KCTD8: variants seen among roughly 807,000 people sequenced by gnomAD.
The protein encoded by KCTD8 is BTB/POZ domain-containing protein KCTD8.
Under a neutral mutation model 31.5 loss-of-function variants are expected in KCTD8, and 27 were observed. The observed-to-expected ratio is 0.86, with a 90% CI of 0.63 to 1.18. KCTD8 has a LOEUF of 1.18. Among genes scored for constraint, KCTD8 ranks in the 50% most tolerant of loss-of-function variants. The pLI is 0.00. For synonymous variants in KCTD8, 290 were observed against 280.0 expected, an observed-to-expected ratio of 1.04 and a Z score of -0.36; for missense variants, 658 against 647.7, an observed-to-expected ratio of 1.02 and a Z score of -0.17.
chr4:44,433,553 G>C (rs1319906283), intron 1 of KCTD8, among the ~76,000 whole-genome samples: 1 of 151,612 alleles, frequency 6.6e-6, no homozygotes, highest in Non-Finnish European at 1.5e-5. Context: ...TAGTTTATAT[G>C]ATATTCTCCA....
chr4:44,405,269 G>GTTTC (rs1038521361), intron 1 of KCTD8, among the ~76,000 whole-genome samples: 1 of 141,330 alleles, frequency 7.1e-6, no homozygotes, highest in African/African-American at 2.5e-5. Flanking sequence ...TTGTTTGTTT[G>GTTTC]TTTTTGTGAG....
chr4:44,254,363 C>T (rs578160599), intron 1 of KCTD8, among the ~76,000 whole-genome samples: 3 of 151,940 alleles, frequency 2.0e-5, no homozygotes, highest in Admixed American at 6.6e-5. Flanking sequence ...CAGGAAAACA[C>T]GTTTTTAAGG....
chr4:44,212,869 T>A (rs1175542557), intron 1 of KCTD8, among the ~76,000 whole-genome samples: 1 of 152,154 alleles, frequency 6.6e-6, no homozygotes, highest in African/African-American at 2.4e-5. Context: ...CAACATCTCA[T>A]CTTTTCATTT....
At chr4:44,176,112 G>A (rs1247610974) in intron 1 of KCTD8, among the ~76,000 whole-genome samples, 1 of 152,096 alleles carries the variant, frequency 6.6e-6, no homozygotes, top group Non-Finnish European at 1.5e-5. Flanking sequence ...ACCCAGAGCT[G>A]TTCTAAAACC....
At chr4:44,313,748 A>G (rs1718022005) in intron 1 of KCTD8, among the ~76,000 whole-genome samples, 1 of 152,234 alleles carries the variant, frequency 6.6e-6, no homozygotes, top group African/African-American at 2.4e-5. Flanking sequence ...AGTTTAATAA[A>G]TAAATGCTTA....
chr4:44,224,665 T>A (rs1714901190), intron 1 of KCTD8, among the ~76,000 whole-genome samples: 1 of 152,242 alleles, frequency 6.6e-6, no homozygotes, highest in African/African-American at 2.4e-5. Flanking sequence ...TAGGATAATG[T>A]CAGCTTCTAA....
At chr4:44,201,142 C>G (rs560625916) in intron 1 of KCTD8, among the ~76,000 whole-genome samples, 1 of 151,868 alleles carries the variant, frequency 6.6e-6, no homozygotes, top group East Asian at 1.9e-4. Context: ...CAAAATACTG[C>G]TGAAAAAAAT....
At chr4:44,345,608 T>C (rs1055728956) in intron 1 of KCTD8, among the ~76,000 whole-genome samples, 2 of 152,134 alleles carry the variant, frequency 1.3e-5, no homozygotes, top group African/African-American at 4.8e-5. Context: ...ATCAATTTCA[T>C]TGACTATAAA....
chr4:44,244,699 C>T (rs1384832137), intron 1 of KCTD8, among the ~76,000 whole-genome samples: 2 of 152,112 alleles, frequency 1.3e-5, no homozygotes, highest in African/African-American at 4.8e-5. Context: ...CCAAAGGGGT[C>T]CTGTTCCATA....
chr4:44,334,561 T>G (rs1718670213), intron 1 of KCTD8, among the ~76,000 whole-genome samples: 1 of 152,118 alleles, frequency 6.6e-6, no homozygotes, highest in Admixed American at 6.5e-5. Flanking sequence ...TGATAGGGAT[T>G]AAATTATAAA....
intron 1 of KCTD8, among the ~76,000 whole-genome samples, chr4:44,415,778 C>T (rs1432146356): frequency 6.6e-6 from 1 of 152,210 alleles, no homozygotes; most frequent in Non-Finnish European, 1.5e-5. Context: ...TTTCAAAAGA[C>T]GTGCTGGAAA....
At chr4:44,299,318 C>T (rs953466151) in intron 1 of KCTD8, among the ~76,000 whole-genome samples, 3 of 152,108 alleles carry the variant, frequency 2.0e-5, no homozygotes, top group African/African-American at 7.2e-5. Context: ...ATTTTTCTAC[C>T]CACCCACCAA....
chr4:44,267,747 C>G (rs1461002227), intron 1 of KCTD8, among the ~76,000 whole-genome samples: 5 of 152,156 alleles, frequency 3.3e-5, no homozygotes, highest in African/African-American at 1.2e-4. Context: ...AAATTACCAT[C>G]AGAGAATACT....
chr4:44,243,463 T>A (rs184988828), intron 1 of KCTD8, among the ~76,000 whole-genome samples: 1 of 152,202 alleles, frequency 6.6e-6, no homozygotes, highest in African/African-American at 2.4e-5. Flanking sequence ...TCTGAGACTA[T>A]ATGCATACAC....
In KCTD8 at chr4:44,174,950, C is replaced by T. The variant is rs765636447; in HGVS notation, c.1262G>A (p.Arg421Gln). 2.4e-5 allele frequency: 39 copies of T among 1,613,952 alleles called. No homozygotes were observed. The highest frequency in any genetic ancestry group is 1.6e-4 in the Middle Eastern group (1 of 6,082). Residue 421 changes from arginine to glutamine, a missense_variant, in exon 2 of 2, where the codon CGG becomes CAG. Transcript: ENST00000360029. Reference sequence around the variant, plus strand: ...TTTCTTTTTGGACAGATTTGTTTCCCGGGACTTGCTGATGAGGGTCTGAAA... The same window carrying T: ...TTTCTTTTTGGACAGATTTGTTTCCTGGGACTTGCTGATGAGGGTCTGAAA... The part of the protein sequence containing the change: ...ELFQTLISKS[R>Q]ETNLSKKKVC...
chr4:44,290,682 G>A (rs1577596259), intron 1 of KCTD8, among the ~76,000 whole-genome samples: 1 of 152,108 alleles, frequency 6.6e-6, no homozygotes, highest in Non-Finnish European at 1.5e-5. Flanking sequence ...CAAATACATG[G>A]AAATTTAACA....
chr4:44,298,216 A>G (rs143992869), intron 1 of KCTD8, among the ~76,000 whole-genome samples: 1 of 152,302 alleles, frequency 6.6e-6, no homozygotes, highest in East Asian at 1.9e-4. Context: ...AAGGATTTAC[A>G]GCAAACTTCC....
At position 44,428,057 on chromosome 4, in the gene KCTD8, A is replaced by T. The variant is rs1267454769; in HGVS notation, c.961+19506T>A. Among the ~76,000 whole-genome samples, 3 of 151,750 alleles carry T rather than the reference A, an allele frequency of 2.0e-5. No homozygotes were observed. In the East Asian group the frequency reaches 5.8e-4, roughly 29 times the overall value. On this transcript the variant is annotated intron_variant, in intron 1 of 1. Transcript: ENST00000360029. ...TAGGGGATTGGGTTGGGTAATAATGAAATCACAATTCAGAGACAGACCAGA... is the reference window on the plus strand; with the variant it reads ...TAGGGGATTGGGTTGGGTAATAATGTAATCACAATTCAGAGACAGACCAGA...
At chr4:44,389,967 CT>C (rs1720326941) in intron 1 of KCTD8, among the ~76,000 whole-genome samples, 1 of 151,796 alleles carries the variant, frequency 6.6e-6, no homozygotes, top group African/African-American at 2.4e-5. Flanking sequence ...CCTTAGCCTA[CT>C]TTTTGATGGG....
Sources: allele counts gnomAD v4.1 joint callset (sites outside exome capture counted in the v4.1 genomes callset), GRCh38; gene constraint gnomAD v4.1.1; transcripts MANE v1.5; gene names NCBI Gene and HGNC (gene_info 2026-07-23, HGNC 2026-07-21).